The following PMM2 variants were observed in gnomAD, a reference collection of about 807,000 sequenced individuals.
PMM2 encodes the protein mannose-6-phosphate isomerase.
A neutral mutation model predicts 33.2 loss-of-function variants in PMM2; 35 were observed. The ratio of observed to expected loss-of-function variants is 1.06; its 90% CI spans 0.81 to 1.40. The LOEUF is 1.40. Among genes scored for constraint, PMM2 ranks in the 40% most tolerant of loss-of-function variants. The pLI is 0.00. For synonymous variants in PMM2, 153 were observed against 114.7 expected (o/e 1.33, Z -2.13); for missense variants, 386 against 306.0 (o/e 1.26, Z -1.95).
At chr16:8,834,844 A>G (rs1402232962) in intron 7 of PMM2, among the ~76,000 whole-genome samples, 58 of 151,384 alleles carry the variant, frequency 3.8e-4, no homozygotes, top group African/African-American at 1.0e-3. Context: ...TGGGGTGAAT[A>G]TCAGGTGGAT....
intron 1 of PMM2, 80 bp from the exon 2 acceptor site, chr16:8,801,719 T>C: frequency 3.4e-6 from 3 of 883,296 alleles, no homozygotes; most frequent in Non-Finnish European, 5.5e-6. Flanking sequence ...AAGACTTATG[T>C]ACTTGTGTTA....
At chr16:8,810,776 C>T (rs1421023713) in intron 4 of PMM2, 2 of 408,544 alleles carry the variant, frequency 4.9e-6, no homozygotes, top group Non-Finnish European at 9.2e-6. Flanking sequence ...AGAGTTTCGC[C>T]ATGTTGTCCA....
chr16:8,810,880 C>A (rs2060673408), intron 4 of PMM2, 199 bp from the exon 5 acceptor site: 1 of 605,180 alleles, frequency 1.7e-6, no homozygotes, highest in South Asian at 2.0e-5. Flanking sequence ...CAAATCTAAT[C>A]TCAATTCATA....
At chr16:8,818,397 C>G (rs750799979) in intron 7 of PMM2, among the ~76,000 whole-genome samples, 3 of 152,188 alleles carry the variant, frequency 2.0e-5, no homozygotes, top group Non-Finnish European at 4.4e-5. Context: ...AATTAGCAGT[C>G]CAGCCATGTA....
intron 7 of PMM2, among the ~76,000 whole-genome samples, chr16:8,834,961 T>G (rs1029397625): frequency 2.0e-5 from 3 of 151,786 alleles, no homozygotes; most frequent in African/African-American, 7.3e-5. Context: ...TAACAAAGAG[T>G]GAGTACAGCT....
intron 2 of PMM2, among the ~76,000 whole-genome samples, chr16:8,803,470 A>T (rs2060627293): frequency 6.6e-6 from 1 of 152,262 alleles, no homozygotes; most frequent in South Asian, 2.1e-4. Context: ...GAATCAAAAC[A>T]TTCACAGGCC....
intron 7 of PMM2, among the ~76,000 whole-genome samples, chr16:8,829,766 A>G (rs1479808850): frequency 1.3e-5 from 2 of 152,228 alleles, no homozygotes; most frequent in Non-Finnish European, 2.9e-5. Flanking sequence ...AATGTGACCA[A>G]CCAGACAAAC....
chr16:8,832,064 A>G (rs1265060432), intron 7 of PMM2: 1 of 840,720 alleles, frequency 1.2e-6, no homozygotes. Flanking sequence ...TTATTATTCT[A>G]GAGGGCAGCC....
rs549717407 is a variant in PMM2, at chr16:8,843,609, C to A, written c.640-4115C>A. 5.3e-3 allele frequency among the ~76,000 whole-genome samples: 804 copies of A among 152,182 alleles called. 3 individuals carry two copies. The highest frequency in any genetic ancestry group is 9.1e-3 in the Non-Finnish European group (618 of 68,022). ...GCTGCGGTTCAGGCATTTGGAAGTT[C>A]TTGTGTGCTGGAGATGTGGCTGGGG... On this transcript the variant is annotated intron_variant, in intron 7 of 7. Transcript: ENST00000268261.
chr16:8,847,865 G>GC lies in PMM2; in HGVS notation c.*41dup. On this transcript the variant is annotated 3_prime_UTR_variant, in exon 8 of 8. Transcript: ENST00000268261. ...GGGCGGGGTCCCGGCTGACAAGCCA[G>GC]CATAGGGCATTCGGTGGCCAGAGCC... The GC allele has an allele frequency of 6.7e-7, 1 of 1,483,124 alleles. No individual in the cohort carries two copies. Among genetic ancestry groups the GC allele is most frequent in the Non-Finnish European group, 9.4e-7 (1 of 1,065,714 alleles). The allele number at this position is 1,483,124 out of a possible 1,614,324, so 91.9% of individuals were successfully genotyped here.
intron 7 of PMM2, among the ~76,000 whole-genome samples, chr16:8,827,319 C>G (rs1226892095): frequency 6.6e-6 from 1 of 150,856 alleles, no homozygotes; most frequent in Non-Finnish European, 1.5e-5. Context: ...CAAACAAAAA[C>G]TCATTCCTCG....
chr16:8,837,935 T>G (rs536703419), intron 7 of PMM2, among the ~76,000 whole-genome samples: 3 of 151,874 alleles, frequency 2.0e-5, no homozygotes, highest in Non-Finnish European at 2.9e-5. Context: ...TACCAGAAAA[T>G]GAAAGGAATT....
chr16:8,817,683 G>A (rs1053958327), intron 7 of PMM2, among the ~76,000 whole-genome samples: 2 of 151,386 alleles, frequency 1.3e-5, no homozygotes, highest in African/African-American at 2.4e-5. Flanking sequence ...TTATTTAATG[G>A]AAGCTTTCCC....
chr16:8,846,631 T>C (rs1286948957), intron 7 of PMM2, among the ~76,000 whole-genome samples: 1 of 152,128 alleles, frequency 6.6e-6, no homozygotes, highest in Non-Finnish European at 1.5e-5. Context: ...CATGGGCCCT[T>C]GCAGACTTTC....
At chr16:8,834,102 G>A (rs879611556) in intron 7 of PMM2, among the ~76,000 whole-genome samples, 26 of 152,302 alleles carry the variant, frequency 1.7e-4, no homozygotes, top group African/African-American at 5.1e-4. Context: ...AAAAAGGAGC[G>A]TCTATACAGG....
chr16:8,834,615 G>A (rs1326471575), intron 7 of PMM2, among the ~76,000 whole-genome samples: 1 of 152,094 alleles, frequency 6.6e-6, no homozygotes, highest in Non-Finnish European at 1.5e-5. Context: ...TAATCCCTGA[G>A]GAGTAGTAGA....
intron 7 of PMM2, among the ~76,000 whole-genome samples, chr16:8,828,638 G>T (rs572734970): frequency 6.6e-6 from 1 of 152,108 alleles, no homozygotes; most frequent in East Asian, 1.9e-4. Flanking sequence ...TTTTCAGGAC[G>T]TAAAACAAGA....
chr16:8,813,059 A>T lies in PMM2; in HGVS notation c.592A>T (p.Asn198Tyr), dbSNP rs1215065628. The change falls in exon 7 of 8, where the codon AAT becomes TAT. Residue 198 changes from asparagine (N) to tyrosine (Y), a missense_variant. Transcript: ENST00000268261. ...GAGATACTGTCTGCGACATGTGGAA[A>T]ATGACGGTTATAAGACCATTTATTT... is the stretch of plus-strand genomic sequence containing the variant. ...DKRYCLRHVE[N>Y]DGYKTIYFFG... is the part of the protein sequence containing the mutation. 6.2e-7 allele frequency: 1 copy of T among 1,613,300 alleles called. No homozygotes were observed. Among genetic ancestry groups the T allele is most frequent in the South Asian group, 1.1e-5 (1 of 91,064 alleles).
chr16:8,810,302 G>A (rs949381254), intron 4 of PMM2: 2 of 152,178 alleles, frequency 1.3e-5, no homozygotes, highest in Non-Finnish European at 2.9e-5. Flanking sequence ...CTATCAGTCT[G>A]TTCAGAAGCT....
Sources: allele counts gnomAD v4.1 joint callset (sites outside exome capture counted in the v4.1 genomes callset), GRCh38; gene constraint gnomAD v4.1.1; transcripts MANE v1.5; gene names NCBI Gene and HGNC (gene_info 2026-07-23, HGNC 2026-07-21).